Variants in OR10J1 observed in about 807,000 individuals in gnomAD.
OR10J1 encodes olfactory receptor 10J1.
For synonymous variants in OR10J1, 202 were observed against 143.8 expected, an observed-to-expected ratio of 1.40 and a Z score of -2.89; for missense variants, 474 against 376.6, an observed-to-expected ratio of 1.26 and a Z score of -2.14.
chr1:159,401,982 A>G, the OR10J1 span, among the ~76,000 whole-genome samples: 1 of 152,010 alleles, frequency 6.6e-6, no homozygotes, highest in African/African-American at 2.4e-5. Context: ...TCAAAAGAAT[A>G]TAGGACAAAA....
chr1:159,405,628 A>G, the OR10J1 span: 14 of 419,836 alleles, frequency 3.3e-5, no homozygotes, highest in Non-Finnish European at 5.6e-5. Context: ...ATAGTGGCTG[A>G]TGACCACTAT....
the OR10J1 span, among the ~76,000 whole-genome samples, chr1:159,423,244 T>A: frequency 6.6e-6 from 1 of 152,212 alleles, no homozygotes; most frequent in Non-Finnish European, 1.5e-5. Context: ...GAGGCCAATA[T>A]TTACCCCATC....
chr1:159,418,466 G>A, the OR10J1 span, among the ~76,000 whole-genome samples: 4 of 152,184 alleles, frequency 2.6e-5, no homozygotes, highest in Non-Finnish European at 4.4e-5. Context: ...CCATACCTTG[G>A]CAGCTGCCAT....
the OR10J1 span, among the ~76,000 whole-genome samples, chr1:159,411,135 G>A: frequency 6.7e-6 from 1 of 148,354 alleles, no homozygotes; most frequent in African/African-American, 2.4e-5. Flanking sequence ...GGTCAATTTT[G>A]GAATAGGTGT....
the OR10J1 span, chr1:159,432,514 T>C: frequency 2.2e-6 from 1 of 453,576 alleles, no homozygotes; most frequent in Non-Finnish European, 4.0e-6. Context: ...CAGCTCTTTT[T>C]CTATCTCACT....
upstream of OR10J1, among the ~76,000 whole-genome samples, chr1:159,438,701 T>C (rs78175107): frequency 1.8e-3 from 279 of 152,348 alleles, no homozygotes; most frequent in Non-Finnish European, 3.2e-3. Flanking sequence ...CTAACCTTCA[T>C]CATTGATGTG....
At position 159,440,172 on chromosome 1, in the gene OR10J1, C is replaced by A. The variant is rs752838833; in HGVS notation, c.381C>A (p.Cys127Ter). The change falls in exon 1 of 1, where the codon TGC (cysteine) becomes TGA (stop). Residue 127 changes from cysteine to a stop codon, truncating the protein, a stop_gained. Transcript: ENST00000423932. LOFTEE classifies it low-confidence loss of function (END_TRUNC). ...GATATGACCGCTATGTGGCCATCTG[C>A]AACCCCCTGAGATACATGGTTATTA... is the stretch of plus-strand genomic sequence containing the variant. ...AMGYDRYVAICNPLRYMVIMN... is the reference protein window; with the variant it reads ...AMGYDRYVAI The A allele has an allele frequency of 4.0e-5, 65 of 1,614,052 alleles. No individual in the cohort carries two copies. The highest frequency in any genetic ancestry group is 5.4e-5 in the Non-Finnish European group (64 of 1,180,024).
At chr1:159,422,672 G>T in the OR10J1 span, among the ~76,000 whole-genome samples, 1 of 152,192 alleles carries the variant, frequency 6.6e-6, no homozygotes, top group African/African-American at 2.4e-5. Context: ...AGCTGCACAA[G>T]ACTCTGGGGG....
chr1:159,422,368 G>A, the OR10J1 span, among the ~76,000 whole-genome samples: 3 of 152,160 alleles, frequency 2.0e-5, no homozygotes, highest in African/African-American at 7.2e-5. Context: ...GCAACCTTAG[G>A]CATGTTGCTG....
At chr1:159,412,913 G>C in the OR10J1 span, among the ~76,000 whole-genome samples, 1 of 151,642 alleles carries the variant, frequency 6.6e-6, no homozygotes, top group South Asian at 2.1e-4. Context: ...CTACAACATG[G>C]GAGAAAATTT....
chr1:159,409,062 A>G, the OR10J1 span, among the ~76,000 whole-genome samples: 3 of 152,046 alleles, frequency 2.0e-5, no homozygotes, highest in African/African-American at 4.8e-5. Context: ...ACTTCCTAGT[A>G]TTGTGTGAGC....
At chr1:159,413,045 C>T in the OR10J1 span, among the ~76,000 whole-genome samples, 1 of 152,168 alleles carries the variant, frequency 6.6e-6, no homozygotes, top group Non-Finnish European at 1.5e-5. Flanking sequence ...ACAGACACTT[C>T]TCAAAGGAAG....
the OR10J1 span, chr1:159,405,627 G>A: frequency 0.042 from 17,540 of 420,786 alleles, 2,629 homozygotes; most frequent in African/African-American, 0.32. Flanking sequence ...CATAGTGGCT[G>A]ATGACCACTA....
the OR10J1 span, among the ~76,000 whole-genome samples, chr1:159,422,799 G>T: frequency 5.9e-5 from 9 of 152,170 alleles, no homozygotes; most frequent in Non-Finnish European, 1.3e-4. Flanking sequence ...GGCTAGAGTT[G>T]TAGGAGTCTT....
chr1:159,400,925 T>A, the OR10J1 span, among the ~76,000 whole-genome samples: 2 of 151,986 alleles, frequency 1.3e-5, no homozygotes, highest in Admixed American at 1.3e-4. Flanking sequence ...GCATCTTCTC[T>A]GGCCAAAAGG....
chr1:159,418,035 A>G, the OR10J1 span, among the ~76,000 whole-genome samples: 1 of 152,196 alleles, frequency 6.6e-6, no homozygotes, highest in South Asian at 2.1e-4. Context: ...TATCTCGTGG[A>G]AGAAATTTCT....
At chr1:159,414,852 T>C in the OR10J1 span, among the ~76,000 whole-genome samples, 11 of 152,126 alleles carry the variant, frequency 7.2e-5, no homozygotes, top group East Asian at 5.8e-4. Context: ...CATTTTTTCA[T>C]GTATGGTTGG....
the OR10J1 span, among the ~76,000 whole-genome samples, chr1:159,417,075 C>T: frequency 6.6e-5 from 10 of 151,690 alleles, no homozygotes; most frequent in African/African-American, 2.4e-4. Flanking sequence ...TCATTTAGTT[C>T]TGCTTTGATC....
At chr1:159,410,612 G>A in the OR10J1 span, among the ~76,000 whole-genome samples, 1 of 151,180 alleles carries the variant, frequency 6.6e-6, no homozygotes, top group Non-Finnish European at 1.5e-5. Context: ...AGTCTTGCTA[G>A]CAGTCTATCA....
Sources: gnomAD v4.1 joint callset for allele counts (sites outside exome capture counted in the v4.1 genomes callset) on GRCh38, gnomAD v4.1.1 for gene constraint, MANE v1.5 for transcripts, NCBI Gene and HGNC (gene_info 2026-07-23, HGNC 2026-07-21) for gene names.